The following RANBP17 variants were observed in gnomAD, a reference collection of about 807,000 sequenced individuals.
RANBP17 encodes RAN binding protein 17.
A neutral mutation model predicts 141.2 loss-of-function variants in RANBP17; 158 were observed. The ratio of observed to expected loss-of-function variants is 1.12; its 90% CI spans 0.98 to 1.28. The LOEUF (loss-of-function observed/expected upper bound fraction) is 1.28, where lower values mean the gene tolerates loss of function less well. Ranked by LOEUF, RANBP17 falls within the 50% of genes most tolerant of loss-of-function variation. The pLI, the probability that RANBP17 is intolerant of heterozygous loss-of-function variation, is 0.00. For synonymous variants in RANBP17, 430 were observed against 450.0 expected (o/e 0.96, Z 0.56); for missense variants, 1,438 against 1,290.7 (o/e 1.11, Z -1.75).
chr5:170,939,908 G>A (rs997673471), intron 12 of RANBP17, among the ~76,000 whole-genome samples: 2 of 152,106 alleles, frequency 1.3e-5, no homozygotes, highest in Non-Finnish European at 2.9e-5. Flanking sequence ...GAAACTGTAT[G>A]ATTGTCTCCC....
intron 14 of RANBP17, among the ~76,000 whole-genome samples, chr5:171,145,248 T>C (rs530838967): frequency 6.6e-6 from 1 of 152,274 alleles, no homozygotes; most frequent in South Asian, 2.1e-4. Context: ...ACAGTTGGTC[T>C]TTGGGGGCCA....
At chr5:171,158,901 A>G (rs1321825007) in intron 14 of RANBP17, among the ~76,000 whole-genome samples, 1 of 152,214 alleles carries the variant, frequency 6.6e-6, no homozygotes, top group Non-Finnish European at 1.5e-5. Context: ...TTAAAACATT[A>G]TCCATGTTGT....
At chr5:171,030,131 A>G (rs923791923) in intron 14 of RANBP17, among the ~76,000 whole-genome samples, 2 of 152,038 alleles carry the variant, frequency 1.3e-5, no homozygotes, top group African/African-American at 2.4e-5. Context: ...AAGAAGAGAG[A>G]TTGTCTTCCT....
At chr5:170,939,198 A>G (rs1774125807) in intron 12 of RANBP17, among the ~76,000 whole-genome samples, 1 of 152,156 alleles carries the variant, frequency 6.6e-6, no homozygotes, top group Non-Finnish European at 1.5e-5. Context: ...AACGATATAC[A>G]ATAGAGATTT....
intron 22 of RANBP17, 41 bp from the exon 23 acceptor site, chr5:171,240,887 G>A (rs1399528056): frequency 7.5e-7 from 1 of 1,338,314 alleles, no homozygotes; most frequent in African/African-American, 1.4e-5. Context: ...TACTTTGAAT[G>A]ACATCTACTT....
At chr5:171,091,473 A>G (rs536978191) in intron 14 of RANBP17, among the ~76,000 whole-genome samples, 2 of 152,228 alleles carry the variant, frequency 1.3e-5, no homozygotes, top group East Asian at 1.9e-4. Context: ...GAGACTTTGG[A>G]CTGTGGGCTT....
chr5:170,870,309 C>T (rs1033287171), intron 1 of RANBP17, among the ~76,000 whole-genome samples: 5 of 152,090 alleles, frequency 3.3e-5, no homozygotes, highest in Middle Eastern at 3.2e-3. Flanking sequence ...CCTGTTGACC[C>T]GTCACCTAGG....
chr5:171,270,943 G>A (rs924609587), intron 25 of RANBP17, among the ~76,000 whole-genome samples: 1 of 151,946 alleles, frequency 6.6e-6, no homozygotes. Flanking sequence ...AGCAGTTAGG[G>A]TTGAATTCAT....
At chr5:171,265,988 T>G (rs191563142) in intron 25 of RANBP17, 141 bp downstream of exon 25, 1 of 661,404 alleles carries the variant, frequency 1.5e-6, no homozygotes, top group East Asian at 2.9e-5. Flanking sequence ...TCTGGGAGTA[T>G]TTTCCCTGAA....
At chr5:171,175,197 C>A (rs1053755336) in intron 16 of RANBP17, among the ~76,000 whole-genome samples, 1 of 152,130 alleles carries the variant, frequency 6.6e-6, no homozygotes, top group Non-Finnish European at 1.5e-5. Context: ...TCCAGTCTAT[C>A]ATTGATGGGC....
rs116498719 is a variant in RANBP17 at position 170,888,345 on chromosome 5, A to G, written c.257-4042A>G. ...AGTGTTGAGTTTCCTGTCTAGGAAC[A>G]TGTAATATGTATTCATTTATTTAGA... On this transcript the variant is annotated intron_variant, in intron 3 of 27. Coordinates refer to ENST00000523189, the MANE Select transcript of RANBP17 (RefSeq NM_022897.5). Among the ~76,000 whole-genome samples the G allele has an allele frequency of 3.5e-3, 527 of 152,304 alleles. 5 individuals carry two copies. The highest frequency in any genetic ancestry group is 0.012 in the African/African-American group (500 of 41,568).
At chr5:171,290,387 AAAG>A (rs1389756825) in intron 25 of RANBP17, among the ~76,000 whole-genome samples, 1 of 148,584 alleles carries the variant, frequency 6.7e-6, no homozygotes, top group Non-Finnish European at 1.5e-5. Context: ...AAAAAGAAAG[AAAG>A]AAAAAGAAAG....
At position 170,924,426 on chromosome 5, in the gene RANBP17, C is replaced by G; in HGVS notation, c.1344C>G (p.Val448=). The G allele has an allele frequency of 6.2e-7, 1 of 1,613,004 alleles. No individual in the cohort carries two copies. Among genetic ancestry groups the G allele is most frequent in the Non-Finnish European group, 8.5e-7 (1 of 1,179,192 alleles). ...VFQQLEQLCT[V]SRCEYEKTCA... is the part of the protein sequence containing the mutation. ...AGCAGTTGGAGCAGTTGTGCACGGT[C>G]AGCAGATGTGAATATGAAAAGACAT... Residue 448 remains valine (V), a synonymous_variant, in exon 12 of 28, where the codon GTC becomes GTG. Coordinates refer to ENST00000523189, the MANE Select transcript of RANBP17 (RefSeq NM_022897.5).
At chr5:171,183,789 A>AG (rs1386126480) in intron 18 of RANBP17, among the ~76,000 whole-genome samples, 1 of 152,234 alleles carries the variant, frequency 6.6e-6, no homozygotes, top group Non-Finnish European at 1.5e-5. Context: ...TCTAAACTAG[A>AG]GAAAAAGTAG....
At chr5:171,067,778 T>C (rs902241779) in intron 14 of RANBP17, among the ~76,000 whole-genome samples, 14 of 152,150 alleles carry the variant, frequency 9.2e-5, no homozygotes, top group African/African-American at 3.4e-4. Context: ...AATCTTTGTA[T>C]GTGATAACTC....
At position 170,868,474 on chromosome 5, in the gene RANBP17, A is replaced by G. The variant is rs565405199; in HGVS notation, c.18+6423A>G. 4.6e-5 allele frequency among the ~76,000 whole-genome samples: 7 copies of G among 152,184 alleles called. No individual in the cohort carries two copies. The South Asian group carries it at 1.5e-3, about 32-fold the overall frequency. ...TTTTGAAGAGATGGCATTTTGCCAC[A>G]TTGGCCAGGCTGGTCTCAAACTCCT... On this transcript the variant is annotated intron_variant, in intron 1 of 27. Transcript: ENST00000523189.
At chr5:171,093,150 C>T (rs956059471) in intron 14 of RANBP17, among the ~76,000 whole-genome samples, 2 of 150,988 alleles carry the variant, frequency 1.3e-5, no homozygotes, top group Non-Finnish European at 2.9e-5. Flanking sequence ...GTAGAGGTTC[C>T]AGTGAGCCAG....
At chr5:170,875,192 G>T (rs1347725285) in intron 1 of RANBP17, among the ~76,000 whole-genome samples, 2 of 152,190 alleles carry the variant, frequency 1.3e-5, no homozygotes, top group African/African-American at 4.8e-5. Flanking sequence ...TCTGCAGAGA[G>T]ATCTGTTGTT....
intron 14 of RANBP17, among the ~76,000 whole-genome samples, chr5:171,051,187 CTG>C (rs59076411): frequency 0.048 from 7,320 of 152,114 alleles, 445 homozygotes; most frequent in African/African-American, 0.13. Context: ...TTTCATGAGA[CTG>C]TAAGTTTATG....
Sources: allele counts gnomAD v4.1 joint callset (sites outside exome capture counted in the v4.1 genomes callset), GRCh38; gene constraint gnomAD v4.1.1; transcripts MANE v1.5; gene names NCBI Gene and HGNC (gene_info 2026-07-23, HGNC 2026-07-21).